Variants in ZNF704 observed in about 807,000 individuals in gnomAD.
The protein encoded by ZNF704 is glucocorticoid induced gene 1.
ZNF704 carries 10 observed loss-of-function variants against 44.7 expected under a neutral mutation model. The ratio of observed to expected loss-of-function variants is 0.22; its 90% confidence interval spans 0.14 to 0.38. The LOEUF (loss-of-function observed/expected upper bound fraction) is 0.38. ZNF704 is among the 10% of genes least tolerant of loss of function. The probability of loss-of-function intolerance (pLI) is 1.00; values close to 1 mark genes in which losing one functional copy is unlikely to be tolerated. For synonymous variants in ZNF704, 211 were observed against 207.6 expected, an observed-to-expected ratio of 1.02 and a Z score of -0.14; for missense variants, 390 against 545.5, an observed-to-expected ratio of 0.71 and a Z score of 2.84.
At chr8:80,872,777 A>AC (rs1367925754) in intron 1 of ZNF704, among the ~76,000 whole-genome samples, 6 of 152,268 alleles carry the variant, frequency 3.9e-5, no homozygotes, top group Admixed American at 1.3e-4. Context: ...TGTACAGGGG[A>AC]CTTCGCTAGA....
chr8:80,725,501 T>C (rs2131674667), intron 2 of ZNF704, among the ~76,000 whole-genome samples: 1 of 152,230 alleles, frequency 6.6e-6, no homozygotes, highest in Admixed American at 6.5e-5. Flanking sequence ...ACACAAAGAT[T>C]ATGCCAAATT....
chr8:80,748,846 C>T (rs1367617656), intron 2 of ZNF704, among the ~76,000 whole-genome samples: 1 of 152,172 alleles, frequency 6.6e-6, no homozygotes, highest in Non-Finnish European at 1.5e-5. Context: ...TCTAGGCCGC[C>T]TCTGAGAGAC....
chr8:80,696,619 T>C (rs1818729675), intron 2 of ZNF704, among the ~76,000 whole-genome samples: 1 of 152,212 alleles, frequency 6.6e-6, no homozygotes. Context: ...GGTTTCACCA[T>C]GTTGACCACG....
rs113219246 is a variant in ZNF704, at chr8:80,701,372, C to T, written c.222-8265G>A. On this transcript the variant is annotated intron_variant, in intron 2 of 8. Coordinates refer to ENST00000327835, the MANE Select transcript of ZNF704 (RefSeq NM_001033723.3). ...AGCTCCTGCCAACCCAAGCAGCAGA[C>T]GCCCTTTCCTCCTAGATTATAGAGA... Among the ~76,000 whole-genome samples the T allele has an allele frequency of 5.7e-3, 862 of 151,968 alleles. 6 individuals are homozygous for T. Among genetic ancestry groups the T allele is most frequent in the African/African-American group, 0.02 (820 of 41,420 alleles).
At chr8:80,812,632 C>T (rs796848599) in intron 2 of ZNF704, 5 of 152,416 alleles carry the variant, frequency 3.3e-5, no homozygotes, top group African/African-American at 1.2e-4. Context: ...GTTATTTTTC[C>T]TCAGCAAGGC....
chr8:80,874,058 G>A lies in ZNF704; in HGVS notation c.-22+513C>T, dbSNP rs1460534124. Among the ~76,000 whole-genome samples, 2 of 146,984 alleles carry A rather than the reference G, an allele frequency of 1.4e-5. No homozygotes were observed. The highest frequency in any genetic ancestry group is 1.4e-4 in the Admixed American group (2 of 14,802). Reference sequence around the variant, plus strand: ...CCGCGCCTGCATGCCTGAGCGCGGGGTTGCGGGCCGCGGCGCGGGGCCGGA... The same window carrying A: ...CCGCGCCTGCATGCCTGAGCGCGGGATTGCGGGCCGCGGCGCGGGGCCGGA... On this transcript the variant is annotated intron_variant, in intron 1 of 8. Transcript: ENST00000327835. This position sits in a 1 kb window ranked among gnomAD's most constrained non-coding sequence, Gnocchi z 4.4.
intron 2 of ZNF704, among the ~76,000 whole-genome samples, chr8:80,735,254 T>A (rs1186445042): frequency 6.6e-6 from 1 of 152,218 alleles, no homozygotes; most frequent in African/African-American, 2.4e-5. Context: ...CCTCCTTACC[T>A]ATCCAAACTA....
intron 2 of ZNF704, among the ~76,000 whole-genome samples, chr8:80,761,031 A>C (rs889880702): frequency 6.6e-6 from 1 of 152,138 alleles, no homozygotes; most frequent in African/African-American, 2.4e-5. Flanking sequence ...CCCACCTTCA[A>C]CACTGGGGAC....
chr8:80,760,155 A>G (rs561624200), intron 2 of ZNF704, among the ~76,000 whole-genome samples: 1 of 152,302 alleles, frequency 6.6e-6, no homozygotes, highest in African/African-American at 2.4e-5. Context: ...ATACTACGAG[A>G]GAATAAGTTT....
rs569936193 is a variant in ZNF704 at position 80,650,947 on chromosome 8, A to G, written c.1033-7818T>C. ...TTGGGTTACCCACAAAGGGAAGCCC[A>G]TCGGACTAACAGCTGATCTCTCAGC... On this transcript the variant is annotated intron_variant, in intron 7 of 8. Coordinates refer to ENST00000327835, the MANE Select transcript of ZNF704 (RefSeq NM_001033723.3). 2.6e-5 allele frequency among the ~76,000 whole-genome samples: 4 copies of G among 152,364 alleles called. No homozygotes were observed. The South Asian group carries it at 6.2e-4, about 24-fold the overall frequency.
chr8:80,844,929 C>T (rs1808744522), intron 1 of ZNF704, among the ~76,000 whole-genome samples: 1 of 152,038 alleles, frequency 6.6e-6, no homozygotes, highest in Non-Finnish European at 1.5e-5. Context: ...ATCCTCCCAC[C>T]TCGGCCTCCC....
chr8:80,785,217 C>T (rs188478184), intron 2 of ZNF704, among the ~76,000 whole-genome samples: 23 of 152,276 alleles, frequency 1.5e-4, no homozygotes, highest in African/African-American at 4.8e-4. Context: ...TTACAGAATA[C>T]ACCTCAATTG....
intron 2 of ZNF704, among the ~76,000 whole-genome samples, chr8:80,748,992 A>C (rs1018646141): frequency 6.6e-6 from 1 of 152,216 alleles, no homozygotes; most frequent in African/African-American, 2.4e-5. Flanking sequence ...AGCAGTGAAG[A>C]AGCAGAAACT....
intron 1 of ZNF704, among the ~76,000 whole-genome samples, chr8:80,853,065 C>T (rs1808897188): frequency 6.6e-6 from 1 of 152,184 alleles, no homozygotes; most frequent in Non-Finnish European, 1.5e-5. Context: ...TCTGCTAGGA[C>T]ATACACAGAA....
chr8:80,766,484 T>C (rs570834772), intron 2 of ZNF704, among the ~76,000 whole-genome samples: 2 of 152,192 alleles, frequency 1.3e-5, no homozygotes, highest in Non-Finnish European at 2.9e-5. Flanking sequence ...TAAACTCCCT[T>C]TGGGATCAAA....
intron 1 of ZNF704, among the ~76,000 whole-genome samples, chr8:80,832,209 T>C (rs921527232): frequency 1.3e-5 from 2 of 152,122 alleles, no homozygotes; most frequent in African/African-American, 2.4e-5. Flanking sequence ...CTTGGGGAAA[T>C]TGCCATTTTT....
At chr8:80,762,827 A>C (rs529088628) in intron 2 of ZNF704, among the ~76,000 whole-genome samples, 162 of 152,334 alleles carry the variant, frequency 1.1e-3, no homozygotes, top group Non-Finnish European at 2.0e-3. Flanking sequence ...AAAGCAAGTT[A>C]GTTCCTTGCA....
At chr8:80,749,540 C>A (rs1040523938) in intron 2 of ZNF704, 2 of 153,234 alleles carry the variant, frequency 1.3e-5, no homozygotes, top group Admixed American at 1.3e-4. Flanking sequence ...AGAGCTGCAA[C>A]CTCTGATTTA....
rs1268741418 is a variant in ZNF704, at chr8:80,635,111, G to A, written c.*6255C>T. 1 of 152,144 alleles carries A rather than the reference G, an allele frequency of 6.6e-6. No individual in the cohort carries two copies. Among genetic ancestry groups the A allele is most frequent in the East Asian group, 1.9e-4 (1 of 5,198 alleles). 9.4% of individuals were successfully genotyped at this position (152,144 alleles called of 1,614,324 possible). A position where few individuals can be genotyped will look rare whatever the true frequency, so the allele number is the denominator to read the frequency against. ...GTTCTATCTCAGCTTTGCTTTTGAT[G>A]TTATCTGCATACTTGGCTAATTAGG... On this transcript the variant is annotated 3_prime_UTR_variant, in exon 9 of 9. Coordinates refer to ENST00000327835, the MANE Select transcript of ZNF704 (RefSeq NM_001033723.3).
Sources: allele counts gnomAD v4.1 joint callset (sites outside exome capture counted in the v4.1 genomes callset), GRCh38; gene constraint gnomAD v4.1.1; non-coding constraint Gnocchi (gnomAD v3.1); transcripts MANE v1.5; gene names NCBI Gene and HGNC (gene_info 2026-07-23, HGNC 2026-07-21).